The following SHE variants were observed in gnomAD, a reference collection of about 807,000 sequenced individuals.
SHE encodes the protein Src homology 2 domain containing E, also known as SH2 domain-containing adapter protein E.
Under a neutral mutation model 49.8 loss-of-function variants are expected in SHE, and 11 were observed. The observed-to-expected ratio is 0.22, with a 90% CI of 0.14 to 0.37. The LOEUF (loss-of-function observed/expected upper bound fraction) is 0.37, where lower values mean the gene tolerates loss of function less well. SHE is among the 10% of genes least tolerant of loss of function. SHE has a pLI of 1.00. For missense variants in SHE, 624 were observed against 655.5 expected, an observed-to-expected ratio of 0.95 and a Z score of 0.52; for synonymous variants, 310 against 278.1, an observed-to-expected ratio of 1.11 and a Z score of -1.14.
Position 154,484,071 on chromosome 1 carries a change from T to C in SHE, c.*78A>G. The C allele has an allele frequency of 1.3e-6, 2 of 1,536,404 alleles. No homozygotes were observed. Reference sequence around the variant, plus strand: ...TTTTCTAGCAGTTGCTAGTCCAGCCTTGTCCTCTGAGATGCTGGTTGTGCG... The same window carrying C: ...TTTTCTAGCAGTTGCTAGTCCAGCCCTGTCCTCTGAGATGCTGGTTGTGCG... On this transcript the variant is annotated 3_prime_UTR_variant, in exon 6 of 6. Coordinates refer to ENST00000304760, the MANE Select transcript of SHE (RefSeq NM_001010846.3).
At position 154,480,603 on chromosome 1, in the gene SHE, C is replaced by T; in HGVS notation, c.*3546G>A. The T allele has an allele frequency of 1.0e-6, 1 of 985,478 alleles. No homozygotes were observed. Among genetic ancestry groups the T allele is most frequent in the Non-Finnish European group, 1.2e-6 (1 of 829,928 alleles). 61.0% of individuals were successfully genotyped at this position (985,478 alleles called of 1,614,324 possible). ...AGAGGCTAGTACACAAATACCAATT[C>T]TGCAAAGTACGGAGACTTCCAACAG... is the stretch of plus-strand genomic sequence containing the variant. On this transcript the variant is annotated 3_prime_UTR_variant, in exon 6 of 6. Transcript: ENST00000304760.
In SHE at chr1:154,483,205, T is replaced by G. The variant is rs1302180348; in HGVS notation, c.*944A>C. 1.0e-6 allele frequency: 1 copy of G among 985,356 alleles called. No individual in the cohort carries two copies. Among genetic ancestry groups the G allele is most frequent in the African/African-American group, 1.7e-5 (1 of 57,326 alleles). 61.0% of individuals were successfully genotyped at this position (985,356 alleles called of 1,614,324 possible). A position where few individuals can be genotyped will look rare whatever the true frequency, so the allele number is the denominator to read the frequency against. On this transcript the variant is annotated 3_prime_UTR_variant, in exon 6 of 6. Coordinates refer to ENST00000304760, the MANE Select transcript of SHE (RefSeq NM_001010846.3). ...TTCCTATTTATGCTTATCTCACTGATTTGCTAAAAAATGAGAAAATCCACA... is the reference window on the plus strand; with the variant it reads ...TTCCTATTTATGCTTATCTCACTGAGTTGCTAAAAAATGAGAAAATCCACA...
chr1:154,489,405 T>C (rs1427772366), intron 2 of SHE, 49 bp from the exon 3 acceptor site: 1 of 1,571,616 alleles, frequency 6.4e-7, no homozygotes. Context: ...ACACAATGTC[T>C]TGAAAGCAAA....
chr1:154,501,778 C>G lies in SHE; in HGVS notation c.249G>C (p.Lys83Asn). The change falls in exon 1 of 6, where the codon AAG (lysine) becomes AAC (asparagine). Residue 83 changes from lysine (K) to asparagine (N), a missense_variant. Transcript: ENST00000304760. The stretch of plus-strand genomic sequence containing the variant: ...CGCTCCCCAGCTCGGCCGCCGAGTT[C>G]TTGCGGCCCTTGCCAGGACCCGGCC... ...GAGPGPGKGRKNSAAELGSGR... is the reference protein window; with the variant it reads ...GAGPGPGKGRNNSAAELGSGR... 7 of 1,561,740 alleles carry G rather than the reference C, an allele frequency of 4.5e-6. No homozygotes were observed. The highest frequency in any genetic ancestry group is 6.0e-6 in the Non-Finnish European group (7 of 1,160,642).
chr1:154,475,912 T>C (rs1691867040), downstream of SHE, among the ~76,000 whole-genome samples: 5 of 152,188 alleles, frequency 3.3e-5, no homozygotes, highest in Admixed American at 3.3e-4. Context: ...TCTGCCTGCG[T>C]TGGCCTCCCA....
downstream of SHE, among the ~76,000 whole-genome samples, chr1:154,477,089 G>A: frequency 6.6e-6 from 1 of 152,178 alleles, no homozygotes; most frequent in South Asian, 2.1e-4. Context: ...TCTACAGGCA[G>A]AGCCTCTCCC....
At chr1:154,470,149 C>T (rs544418952) in exon 2 of SHE, 19 of 402,182 alleles carry the variant, frequency 4.7e-5, no homozygotes, top group Non-Finnish European at 8.8e-5. Context: ...ACCATGCTCT[C>T]CTCTTTGAGG....
At chr1:154,497,744 G>C (rs77625665) in intron 2 of SHE, among the ~76,000 whole-genome samples, 2 of 150,318 alleles carry the variant, frequency 1.3e-5, no homozygotes, top group African/African-American at 4.9e-5. Flanking sequence ...GCAATGGCAC[G>C]ATCTTGGCTC....
chr1:154,480,548 A>G lies in SHE; in HGVS notation c.*3601T>C, dbSNP rs1691991210. On this transcript the variant is annotated 3_prime_UTR_variant, in exon 6 of 6. Coordinates refer to ENST00000304760, the MANE Select transcript of SHE (RefSeq NM_001010846.3). ...TCAAAAACTCCTGGCTGCCCCTATC[A>G]GCTACCTGCCCACCTCCCCATCCTG... The G allele has an allele frequency of 5.1e-6, 5 of 985,434 alleles. No homozygotes were observed. The highest frequency in any genetic ancestry group is 4.8e-6 in the Non-Finnish European group (4 of 829,936). 61.0% of individuals were successfully genotyped at this position (985,434 alleles called of 1,614,324 possible). A position where few individuals can be genotyped will look rare whatever the true frequency, so the allele number is the denominator to read the frequency against.
At chr1:154,471,944 G>T (rs879378892) in intron 1 of SHE, among the ~76,000 whole-genome samples, 29 of 152,176 alleles carry the variant, frequency 1.9e-4, no homozygotes, top group South Asian at 1.9e-3. Context: ...AGGCCAAGGC[G>T]GGTGGATCAC....
chr1:154,469,837 G>A (rs1691700907), exon 2 of SHE: 1 of 154,424 alleles, frequency 6.5e-6, no homozygotes, highest in Non-Finnish European at 1.4e-5. Context: ...AGGCCACCCT[G>A]AACTCTTGAT....
chr1:154,497,579 C>T (rs1309672795), intron 2 of SHE, among the ~76,000 whole-genome samples: 1 of 152,218 alleles, frequency 6.6e-6, no homozygotes, highest in African/African-American at 2.4e-5. Flanking sequence ...GACTGCTTAG[C>T]TCACAAACTG....
exon 2 of SHE, chr1:154,470,287 C>T (rs1175496786): frequency 3.8e-5 from 49 of 1,287,772 alleles, no homozygotes; most frequent in Non-Finnish European, 4.6e-5. Context: ...GCCTCCCTTT[C>T]TTCATGGCAT....
At position 154,501,453 on chromosome 1, in the gene SHE, T is replaced by C. The variant is rs1217572929; in HGVS notation, c.574A>G (p.Ile192Val). The change falls in exon 1 of 6, where the codon ATT (isoleucine) becomes GTT (valine). Residue 192 changes from isoleucine to valine, a missense_variant. By Grantham distance (29) the Ile-to-Val change is conservative. Around this residue, in one of 4 missense-constraint regions of SHE, gnomAD observed 337 missense variants for 306.0 expected, o/e 1.10. Transcript: ENST00000304760. ...ATTCTTACCGTCTCTTGCTGCTTAA[T>C]AATCTTGCCCTTGTCCAGCTCGGGC... is the stretch of plus-strand genomic sequence containing the variant. ...LGPELDKGKI[I>V]KQQETVIILE... is the part of the protein sequence containing the mutation. The C allele has an allele frequency of 1.2e-6, 2 of 1,614,192 alleles. No homozygotes were observed. The highest frequency in any genetic ancestry group is 8.5e-7 in the Non-Finnish European group (1 of 1,180,020).
Position 154,501,563 on chromosome 1 carries a change from T to C in SHE, c.464A>G (p.Lys155Arg). 1 of 1,614,114 alleles carries C rather than the reference T, an allele frequency of 6.2e-7. No individual in the cohort carries two copies. Among genetic ancestry groups the C allele is most frequent in the Non-Finnish European group, 8.5e-7 (1 of 1,179,964 alleles). The stretch of plus-strand genomic sequence containing the variant: ...GCTGGGGTAGTTGCTCTTCCCGTTC[T>C]TCTCCTGAGTGTCCACCTTGATGAG... The part of the protein sequence containing the change: ...NRLIKVDTQE[K>R]NGKSNYPSSS... Residue 155 changes from lysine to arginine, a missense_variant, in exon 1 of 6, where the codon AAG becomes AGG. Lys to Arg is a conservative substitution (Grantham distance 26, BLOSUM62 2). Coordinates refer to ENST00000304760, the MANE Select transcript of SHE (RefSeq NM_001010846.3).
Position 154,486,515 on chromosome 1 carries a change from G to C in SHE, c.1181+12C>G. On this transcript the variant is annotated intron_variant, in intron 4 of 5. Coordinates refer to ENST00000304760, the MANE Select transcript of SHE (RefSeq NM_001010846.3). ...CTGTTGTCTGTTACAAGGATCTGAG[G>C]AGGAGACTCACGGCTGCTTCTCCAG... The C allele has an allele frequency of 6.2e-7, 1 of 1,613,734 alleles. No homozygotes were observed. Among genetic ancestry groups the C allele is most frequent in the East Asian group, 2.2e-5 (1 of 44,888 alleles).
At chr1:154,489,406 T>C (rs762133658) in intron 2 of SHE, 50 bp from the exon 3 acceptor site, 1 of 1,570,456 alleles carries the variant, frequency 6.4e-7, no homozygotes, top group Non-Finnish European at 8.6e-7. Flanking sequence ...CACAATGTCT[T>C]GAAAGCAAAG....
chr1:154,491,470 G>A (rs983698925), intron 2 of SHE, among the ~76,000 whole-genome samples: 3 of 152,140 alleles, frequency 2.0e-5, no homozygotes, highest in African/African-American at 4.8e-5. Context: ...TCTCCTCTCC[G>A]GAGAAGGCTT....
intron 2 of SHE, among the ~76,000 whole-genome samples, chr1:154,491,231 G>C (rs770874773): frequency 6.6e-6 from 1 of 152,114 alleles, no homozygotes; most frequent in South Asian, 2.1e-4. Context: ...ATAAGCTCCC[G>C]ACTGTTTACT....
Sources: gnomAD v4.1 joint callset for allele counts (sites outside exome capture counted in the v4.1 genomes callset) on GRCh38, gnomAD v4.1.1 for gene constraint, gnomAD v4.1.1 regional missense constraint, MANE v1.5 for transcripts, NCBI Gene and HGNC (gene_info 2026-07-23, HGNC 2026-07-21) for gene names.